Variants in NRL observed in about 807,000 individuals in gnomAD.
NRL encodes neural retina-specific leucine zipper protein.
A neutral mutation model predicts 12.5 loss-of-function variants in NRL; 16 were observed. That is an observed-to-expected ratio of 1.28 (90% CI 0.87 to 1.95). The LOEUF is 1.95. Among genes scored for constraint, NRL ranks in the 30% most tolerant of loss-of-function variants. The pLI, the probability that NRL is intolerant of heterozygous loss-of-function variation, is 0.00. For synonymous variants in NRL, 142 were observed against 150.9 expected (o/e 0.94, Z 0.43); for missense variants, 314 against 325.8 (o/e 0.96, Z 0.28).
chr14:24,109,492 G>A (rs1184277571), intron 1 of NRL, among the ~76,000 whole-genome samples: 1 of 151,994 alleles, frequency 6.6e-6, no homozygotes, highest in African/African-American at 2.4e-5. Flanking sequence ...TCAGGAGATC[G>A]AGACCATCCT....
intron 2 of NRL, chr14:24,082,012 C>T (rs997667452): frequency 1.7e-6 from 2 of 1,203,412 alleles, no homozygotes; most frequent in Admixed American, 4.1e-5. Context: ...CCGCAACACC[C>T]CCATCTGTGT....
At chr14:24,103,306 C>T in intron 1 of NRL, 1 of 1,442,524 alleles carries the variant, frequency 6.9e-7, no homozygotes, top group Non-Finnish European at 9.7e-7. Context: ...ACAGCACGTC[C>T]TCTCTCCCTT....
In NRL at chr14:24,081,942, T is replaced by C. The variant is rs1360652505; in HGVS notation, c.382-374A>G. On this transcript the variant is annotated intron_variant, in intron 2 of 2. Coordinates refer to ENST00000561028, the MANE Select transcript of NRL (RefSeq NM_001354768.3). This position sits in a 1 kb window ranked among gnomAD's most constrained non-coding sequence, Gnocchi z 4.4. ...CCCCAACCCTCCAACGCGCTGCGTT[T>C]CCCTGTCCTGAAGCCTGCAACCCGG... The C allele has an allele frequency of 7.2e-6, 9 of 1,249,506 alleles. No individual in the cohort carries two copies. The East Asian group carries it at 2.8e-4, about 39-fold the overall frequency. The allele number at this position is 1,249,506 out of a possible 1,614,324, so 77.4% of individuals were successfully genotyped here.
chr14:24,112,534 A>C (rs1156250680), intron 1 of NRL, among the ~76,000 whole-genome samples: 1 of 115,004 alleles, frequency 8.7e-6, no homozygotes, highest in Non-Finnish European at 1.7e-5. Flanking sequence ...ATTTACAAGA[A>C]AAAAACAAAC....
At chr14:24,106,435 T>C (rs920161090) in intron 1 of NRL, among the ~76,000 whole-genome samples, 3 of 152,192 alleles carry the variant, frequency 2.0e-5, no homozygotes, top group East Asian at 3.9e-4. Context: ...TGGAGTATAT[T>C]GTACTTTAAA....
At chr14:24,109,445 C>G (rs1228186120) in intron 1 of NRL, among the ~76,000 whole-genome samples, 2 of 152,106 alleles carry the variant, frequency 1.3e-5, no homozygotes, top group African/African-American at 4.8e-5. Context: ...CCTGTAATCC[C>G]AGCACTTTGG....
intron 1 of NRL, chr14:24,103,624 G>GT (rs2037259533): frequency 1.9e-6 from 3 of 1,613,832 alleles, no homozygotes; most frequent in African/African-American, 2.7e-5. Context: ...CAGCTGCCCC[G>GT]TATCTTCCAT....
intron 1 of NRL, among the ~76,000 whole-genome samples, chr14:24,090,742 G>A (rs1369318644): frequency 6.6e-6 from 1 of 152,222 alleles, no homozygotes; most frequent in East Asian, 1.9e-4. Context: ...CAGCTGGTGG[G>A]CCAGGCTCTC....
At chr14:24,086,604 G>A (rs545626013) in intron 1 of NRL, among the ~76,000 whole-genome samples, 239 of 152,366 alleles carry the variant, frequency 1.6e-3, no homozygotes, top group Middle Eastern at 6.8e-3. Flanking sequence ...ACCCAGGAAA[G>A]AGACTCTACA....
At chr14:24,099,231 A>G in intron 1 of NRL, 1 of 1,592,950 alleles carries the variant, frequency 6.3e-7, no homozygotes, top group Non-Finnish European at 8.5e-7. Context: ...GGCAGAGCAC[A>G]TGCTGGTGAG....
Position 24,099,132 on chromosome 14 carries a change from G to C in NRL, c.-28+15590C>G, listed in dbSNP as rs201974284. On this transcript the variant is annotated intron_variant, in intron 1 of 2. Coordinates refer to ENST00000561028, the MANE Select transcript of NRL (RefSeq NM_001354768.3). ...CGACCAGCGGGAGATCATCTCCTTC[G>C]GCAGCGGCTATGGTGGCAACTCCCT... The C allele has an allele frequency of 2.4e-5, 39 of 1,612,108 alleles. No homozygotes were observed. The highest frequency in any genetic ancestry group is 1.6e-5 in the Non-Finnish European group (19 of 1,179,702).
At chr14:24,102,271 C>A (rs2037192262) in intron 1 of NRL, among the ~76,000 whole-genome samples, 1 of 152,148 alleles carries the variant, frequency 6.6e-6, no homozygotes, top group Admixed American at 6.6e-5. Context: ...ATTTGGATAA[C>A]TTAGGAGAAC....
At chr14:24,083,219 G>T (rs2036374152) in intron 1 of NRL, among the ~76,000 whole-genome samples, 1 of 152,196 alleles carries the variant, frequency 6.6e-6, no homozygotes, top group South Asian at 2.1e-4. Context: ...CATCTCAAGA[G>T]GCATCATTCC....
At chr14:24,092,919 TGCCAA>T in intron 1 of NRL, among the ~76,000 whole-genome samples, 1 of 152,362 alleles carries the variant, frequency 6.6e-6, no homozygotes, top group East Asian at 1.9e-4. Context: ...TGCTTTGCAG[TGCCAA>T]GCTAACACTC....
intron 1 of NRL, among the ~76,000 whole-genome samples, chr14:24,109,558 C>T (rs1338615994): frequency 6.6e-6 from 1 of 151,950 alleles, no homozygotes; most frequent in Non-Finnish European, 1.5e-5. Flanking sequence ...ATTAGCCGGG[C>T]ATGGTGGCGG....
Position 24,081,601 on chromosome 14 carries a change from G to C in NRL, c.382-33C>G, listed in dbSNP as rs752562252. 11 of 1,562,532 alleles carry C rather than the reference G, an allele frequency of 7.0e-6. No homozygotes were observed. The African/African-American group carries it at 1.5e-4, about 21-fold the overall frequency. ...GGGAGAATGCAGAAACCGGGTCAGC[G>C]CCAGGTCGCACCCGGCTCTGCCCTG... is the stretch of plus-strand genomic sequence containing the variant. On this transcript the variant is annotated intron_variant, in intron 2 of 2. Coordinates refer to ENST00000561028, the MANE Select transcript of NRL (RefSeq NM_001354768.3). The surrounding 1 kb of genome is among the most constrained non-coding windows in gnomAD (Gnocchi z 4.4).
chr14:24,112,425 A>G (rs913409495), intron 1 of NRL, among the ~76,000 whole-genome samples: 8 of 149,646 alleles, frequency 5.3e-5, no homozygotes, highest in African/African-American at 2.0e-4. Context: ...AGAAACTACC[A>G]TCAGAGTGAA....
At chr14:24,100,481 T>C in intron 1 of NRL, 1 of 821,434 alleles carries the variant, frequency 1.2e-6, no homozygotes, top group Non-Finnish European at 1.7e-6. Flanking sequence ...AGTACCTATC[T>C]CATGAGATTG....
intron 1 of NRL, 48 bp from the exon 2 acceptor site, chr14:24,082,923 C>A: frequency 6.6e-7 from 1 of 1,520,954 alleles, no homozygotes; most frequent in South Asian, 1.3e-5. Flanking sequence ...CACCTGCCAT[C>A]CCCTCTTCAC....
Sources: allele counts gnomAD v4.1 joint callset (sites outside exome capture counted in the v4.1 genomes callset), GRCh38; gene constraint gnomAD v4.1.1; non-coding constraint Gnocchi (gnomAD v3.1); transcripts MANE v1.5; gene names NCBI Gene and HGNC (gene_info 2026-07-23, HGNC 2026-07-21).